Variants in RBFOX2 observed in about 807,000 individuals in gnomAD.
RBFOX2 encodes the protein RNA binding protein fox-1 homolog 2.
Under a neutral mutation model 49.1 loss-of-function variants are expected in RBFOX2, and 10 were observed. That is an observed-to-expected ratio of 0.20 (90% CI 0.13 to 0.35). The LOEUF (loss-of-function observed/expected upper bound fraction) is 0.35. RBFOX2 is among the 10% of genes least tolerant of loss of function. The pLI, the probability that RBFOX2 is intolerant of heterozygous loss-of-function variation, is 1.00. For synonymous variants in RBFOX2, 183 were observed against 187.4 expected, an observed-to-expected ratio of 0.98 and a Z score of 0.19; for missense variants, 323 against 486.9, an observed-to-expected ratio of 0.66 and a Z score of 3.17.
chr22:35,892,382 A>G (rs1297390355), intron 1 of RBFOX2, among the ~76,000 whole-genome samples: 1 of 152,198 alleles, frequency 6.6e-6, no homozygotes, highest in Non-Finnish European at 1.5e-5. Flanking sequence ...CTCAACAGGA[A>G]AGCGGGGAGA....
At chr22:35,781,621 A>G (rs766917857) in exon 3 of RBFOX2, 1 of 1,614,140 alleles carries the variant, frequency 6.2e-7, no homozygotes, top group Non-Finnish European at 8.5e-7. Flanking sequence ...GCCGGAGGTC[A>G]GGGTCCCGGA....
intron 9 of RBFOX2, chr22:35,748,015 C>A (rs1322860297): frequency 6.6e-6 from 1 of 152,038 alleles, no homozygotes; most frequent in Non-Finnish European, 1.5e-5. Flanking sequence ...TATTTGTTAC[C>A]CCTTATTTTA....
chr22:35,767,368 C>T (rs1033578941), intron 5 of RBFOX2, among the ~76,000 whole-genome samples: 1 of 152,024 alleles, frequency 6.6e-6, no homozygotes, highest in African/African-American at 2.4e-5. Context: ...GTTCACTTAC[C>T]GCCAACGGGC....
At chr22:35,817,372 G>C (rs529306879) in intron 1 of RBFOX2, among the ~76,000 whole-genome samples, 1 of 152,156 alleles carries the variant, frequency 6.6e-6, no homozygotes, top group African/African-American at 2.4e-5. Flanking sequence ...AGCTACCTGG[G>C]AGGCTGAAGC....
At position 35,988,755 on chromosome 22, in the gene RBFOX2, T is replaced by C. The variant is rs1313940967; in HGVS notation, c.186+39485A>G. Among the ~76,000 whole-genome samples, 4 of 151,956 alleles carry C rather than the reference T, an allele frequency of 2.6e-5. No individual in the cohort carries two copies. In the East Asian group the frequency reaches 7.7e-4, roughly 29 times the overall value. ...TTCAGAAGGATCACTCTGAAAAAAA[T>C]TACTGCAACGCAATGATGTGGGATG... On this transcript the variant is annotated intron_variant, in intron 1 of 13. Coordinates refer to the RBFOX2 transcript ENST00000438146.
intron 1 of RBFOX2, among the ~76,000 whole-genome samples, chr22:35,903,818 T>C (rs2048840150): frequency 6.6e-6 from 1 of 152,124 alleles, no homozygotes; most frequent in Non-Finnish European, 1.5e-5. Flanking sequence ...TTCCTGAATA[T>C]CACACTAGTT....
chr22:35,939,735 T>A (rs2053503056), upstream of RBFOX2, among the ~76,000 whole-genome samples: 2 of 152,154 alleles, frequency 1.3e-5, no homozygotes, highest in Non-Finnish European at 2.9e-5. Context: ...TAATTTAGTA[T>A]AAGGTCATAT....
chr22:35,861,526 G>A (rs1393858388), intron 1 of RBFOX2, among the ~76,000 whole-genome samples: 1 of 152,148 alleles, frequency 6.6e-6, no homozygotes, highest in African/African-American at 2.4e-5. Flanking sequence ...GATGGTAAAT[G>A]AGATAGTAAA....
chr22:35,782,138 G>A (rs1945280405), intron 2 of RBFOX2, among the ~76,000 whole-genome samples: 1 of 152,142 alleles, frequency 6.6e-6, no homozygotes, highest in Non-Finnish European at 1.5e-5. Flanking sequence ...AATAGAGTCT[G>A]TTGTACTTAG....
At chr22:35,856,839 C>T (rs1334217849) in intron 1 of RBFOX2, among the ~76,000 whole-genome samples, 1 of 152,090 alleles carries the variant, frequency 6.6e-6, no homozygotes, top group Non-Finnish European at 1.5e-5. Flanking sequence ...TTGAGACCAG[C>T]TTGGGCAACA....
chr22:35,745,818 G>T, intron 11 of RBFOX2, 105 bp downstream of exon 13: 1 of 1,149,632 alleles, frequency 8.7e-7, no homozygotes, highest in Non-Finnish European at 1.3e-6. Context: ...ATACCTTGAT[G>T]GTGGATGAAA....
chr22:35,821,219 T>C (rs939906113), intron 1 of RBFOX2, among the ~76,000 whole-genome samples: 1 of 152,252 alleles, frequency 6.6e-6, no homozygotes, highest in African/African-American at 2.4e-5. Context: ...ATTCATTTTT[T>C]CTTTTTAAAT....
intron 1 of RBFOX2, among the ~76,000 whole-genome samples, chr22:36,027,517 A>C (rs926569576): frequency 6.6e-6 from 1 of 152,214 alleles, no homozygotes; most frequent in East Asian, 1.9e-4. Flanking sequence ...CCCTATAAAA[A>C]AATTTTTTTT....
chr22:35,890,924 C>T (rs1330186453), intron 1 of RBFOX2, among the ~76,000 whole-genome samples: 1 of 152,036 alleles, frequency 6.6e-6, no homozygotes, highest in Non-Finnish European at 1.5e-5. Flanking sequence ...TTGTCATATA[C>T]TCTCTCATGG....
chr22:35,996,254 C>A (rs1207162795), intron 1 of RBFOX2: 1 of 152,110 alleles, frequency 6.6e-6, no homozygotes, highest in Non-Finnish European at 1.5e-5. Flanking sequence ...TTCCCCTCAC[C>A]CATATGTCTC....
At chr22:35,917,278 T>C (rs527803854) in intron 1 of RBFOX2, among the ~76,000 whole-genome samples, 1 of 152,264 alleles carries the variant, frequency 6.6e-6, no homozygotes, top group South Asian at 2.1e-4. Flanking sequence ...CTACCCAGCT[T>C]AAGTGTTCCA....
chr22:35,743,965 A>AT, exon 12 of RBFOX2: 1 of 398,272 alleles, frequency 2.5e-6, no homozygotes. Flanking sequence ...AAAAAAAAAA[A>AT]GAAAAAAATG....
chr22:35,818,935 T>C (rs1418853168), intron 1 of RBFOX2, among the ~76,000 whole-genome samples: 2 of 152,222 alleles, frequency 1.3e-5, no homozygotes, highest in African/African-American at 2.4e-5. Context: ...CTCTTTAAAA[T>C]AGAAAATTCA....
intron 1 of RBFOX2, among the ~76,000 whole-genome samples, chr22:35,898,679 G>A (rs1276497522): frequency 6.6e-6 from 1 of 151,954 alleles, no homozygotes; most frequent in Non-Finnish European, 1.5e-5. Context: ...CCACCTGCCT[G>A]GGCCTCCCAA....
Sources: gnomAD v4.1 joint callset for allele counts (sites outside exome capture counted in the v4.1 genomes callset) on GRCh38, gnomAD v4.1.1 for gene constraint, MANE v1.5 for transcripts, NCBI Gene and HGNC (gene_info 2026-07-23, HGNC 2026-07-21) for gene names.